The following AMMECR1 variants were observed in gnomAD, a reference collection of about 807,000 sequenced individuals.
AMMECR1 encodes nuclear protein AMMECR1.
Under a neutral mutation model 22.5 loss-of-function variants are expected in AMMECR1, and 3 were observed. The observed-to-expected ratio is 0.13, with a 90% CI of 0.06 to 0.35. AMMECR1 has a LOEUF of 0.35. Among genes scored for constraint, AMMECR1 ranks in the 10% least tolerant of loss-of-function variants. The probability of loss-of-function intolerance (pLI) is 1.00; values close to 1 mark genes in which losing one functional copy is unlikely to be tolerated. For missense variants in AMMECR1, 235 were observed against 278.7 expected, an observed-to-expected ratio of 0.84 and a Z score of 1.12; for synonymous variants, 130 against 116.7, an observed-to-expected ratio of 1.11 and a Z score of -0.74.
chrX:110,362,853 T>C (rs919387343), intron 2 of AMMECR1, among the ~76,000 whole-genome samples: 1 of 112,087 alleles, frequency 8.9e-6, no homozygotes, highest in African/African-American at 3.2e-5. Context: ...GTATGTGGTA[T>C]TGTGCTGGGG....
In AMMECR1 at chrX:110,361,192, C is replaced by T. The variant is rs768354780; in HGVS notation, c.-147-43343G>A. Among the ~76,000 whole-genome samples the T allele has an allele frequency of 3.6e-5, 4 of 111,289 alleles. 1 individual carries two copies. The highest frequency in any genetic ancestry group is 7.7e-4 in the South Asian group (2 of 2,601). The stretch of plus-strand genomic sequence containing the variant: ...TCCCTAAATACCAATTTCATTCTTC[C>T]GGTTGCTCAGGCGGAAGACCTAGGA... On this transcript the variant is annotated intron_variant, in intron 2 of 7. Transcript: ENST00000372057.
chrX:110,391,010 G>A (rs772429760), intron 2 of AMMECR1, among the ~76,000 whole-genome samples: 1 of 111,782 alleles, frequency 8.9e-6, no homozygotes, highest in Non-Finnish European at 1.9e-5. Context: ...TTTACTCTGG[G>A]ATTGGGAATG....
At chrX:110,234,187 GACAA>G (rs1490954587) in intron 2 of AMMECR1, among the ~76,000 whole-genome samples, 7 of 110,655 alleles carry the variant, frequency 6.3e-5, no homozygotes, top group South Asian at 3.8e-4. Flanking sequence ...ACCAATAACA[GACAA>G]ACAGAGAGCC....
At chrX:110,379,133 C>T (rs1004476602) in intron 2 of AMMECR1, among the ~76,000 whole-genome samples, 6 of 111,725 alleles carry the variant, frequency 5.4e-5, no homozygotes, top group Admixed American at 4.7e-4. Flanking sequence ...TCATACCACC[C>T]CCATCTGCTT....
intron 2 of AMMECR1, among the ~76,000 whole-genome samples, chrX:110,338,904 G>A (rs918517317): frequency 4.5e-5 from 5 of 111,800 alleles, no homozygotes; most frequent in Admixed American, 9.5e-5. Flanking sequence ...CAATGGGTCA[G>A]CCAGGGAACT....
chrX:110,238,458 G>A (rs1026066826), intron 2 of AMMECR1, among the ~76,000 whole-genome samples: 4 of 112,350 alleles, frequency 3.6e-5, no homozygotes, highest in Non-Finnish European at 5.6e-5. Context: ...GGAGGCCACC[G>A]CAGCTCAGCA....
intron 2 of AMMECR1, among the ~76,000 whole-genome samples, chrX:110,254,050 A>G (rs1185140489): frequency 9.0e-6 from 1 of 111,063 alleles, no homozygotes; most frequent in Non-Finnish European, 1.9e-5. Context: ...GCCCATTGCC[A>G]GCAATGGTCT....
rs780583034 is a variant in AMMECR1 at position 110,406,431 on chromosome X, T to C, written c.-148+20227A>G. On this transcript the variant is annotated intron_variant, in intron 2 of 7. Transcript: ENST00000372057. ...TTCATCCATGTCCCTGCAAAGGACG[T>C]GAACTCATTCTTTTTTATGGCTGCA... Among the ~76,000 whole-genome samples, 325 of 112,092 alleles carry C rather than the reference T, an allele frequency of 2.9e-3. 1 individual carries two copies. Among genetic ancestry groups the C allele is most frequent in the Non-Finnish European group, 4.6e-3 (246 of 53,236 alleles).
intron 2 of AMMECR1, among the ~76,000 whole-genome samples, chrX:110,334,065 A>G (rs1387418259): frequency 2.7e-5 from 3 of 112,030 alleles, no homozygotes; most frequent in Non-Finnish European, 5.6e-5. Flanking sequence ...ATCAGATATA[A>G]TATTTAAAAA....
chrX:110,377,482 A>G, intron 2 of AMMECR1, among the ~76,000 whole-genome samples: 1 of 111,784 alleles, frequency 8.9e-6, no homozygotes, highest in East Asian at 2.8e-4. Context: ...TTTTTCTTTT[A>G]ATAATAAAAA....
At chrX:110,344,868 G>T (rs777147008) in intron 2 of AMMECR1, among the ~76,000 whole-genome samples, 2 of 112,019 alleles carry the variant, frequency 1.8e-5, no homozygotes, top group Non-Finnish European at 3.8e-5. Context: ...AGGATGTGGA[G>T]AAATAGGAAT....
chrX:110,384,047 T>A (rs1055791705), intron 2 of AMMECR1, among the ~76,000 whole-genome samples: 1 of 112,216 alleles, frequency 8.9e-6, no homozygotes, highest in Non-Finnish European at 1.9e-5. Context: ...TTATACATCA[T>A]CATTTCTTCT....
chrX:110,387,728 C>T (rs767764229), intron 2 of AMMECR1, among the ~76,000 whole-genome samples: 5 of 111,694 alleles, frequency 4.5e-5, no homozygotes, highest in Admixed American at 1.9e-4. Context: ...TACTTCTCAA[C>T]GGAATGTTCT....
chrX:110,338,814 TTCA>T (rs1423294454), intron 2 of AMMECR1, among the ~76,000 whole-genome samples: 1 of 111,692 alleles, frequency 9.0e-6, no homozygotes, highest in Non-Finnish European at 1.9e-5. Context: ...ATCCTTCTTC[TTCA>T]TCAACTCTCT....
At chrX:110,210,102 T>C (rs2067440265) in intron 3 of AMMECR1, among the ~76,000 whole-genome samples, 1 of 110,776 alleles carries the variant, frequency 9.0e-6, no homozygotes, top group Non-Finnish European at 1.9e-5. Flanking sequence ...GAAATTTGTA[T>C]GCATTAAATC....
intron 1 of AMMECR1, among the ~76,000 whole-genome samples, chrX:110,285,371 T>C (rs779166820): frequency 1.8e-4 from 20 of 111,860 alleles, no homozygotes; most frequent in Non-Finnish European, 3.0e-4. Flanking sequence ...TTTTCATGCA[T>C]TCTCAAGTTT....
intron 1 of AMMECR1, among the ~76,000 whole-genome samples, chrX:110,271,303 G>A (rs1365845216): frequency 8.9e-6 from 1 of 112,491 alleles, no homozygotes; most frequent in Non-Finnish European, 1.9e-5. Context: ...TTTGCCTGGT[G>A]TTCCAAGAAA....
intron 1 of AMMECR1, among the ~76,000 whole-genome samples, chrX:110,307,860 TTTTC>T (rs2068005112): frequency 1.9e-5 from 2 of 104,347 alleles, no homozygotes; most frequent in African/African-American, 3.6e-5. Flanking sequence ...AAACTTTTTT[TTTTC>T]TTTTTTTTTT....
At chrX:110,396,989 T>C (rs1007025950) in intron 2 of AMMECR1, among the ~76,000 whole-genome samples, 5 of 111,752 alleles carry the variant, frequency 4.5e-5, no homozygotes, top group African/African-American at 1.3e-4. Context: ...CTTCTTTTTT[T>C]CCATGTTCCT....
Sources: gnomAD v4.1 joint callset for allele counts (sites outside exome capture counted in the v4.1 genomes callset) on GRCh38, gnomAD v4.1.1 for gene constraint, MANE v1.5 for transcripts, NCBI Gene and HGNC (gene_info 2026-07-23, HGNC 2026-07-21) for gene names.